The following MARCHF1 variants were observed in gnomAD, a reference collection of about 807,000 sequenced individuals.
MARCHF1 encodes the protein membrane associated ring-CH-type finger 1.
Under a neutral mutation model 54.2 loss-of-function variants are expected in MARCHF1, and 40 were observed. The ratio of observed to expected loss-of-function variants is 0.74; its 90% CI spans 0.57 to 0.96. The LOEUF is 0.96. Among genes scored for constraint, MARCHF1 ranks in the 40% least tolerant of loss-of-function variants. MARCHF1 has a pLI of 0.00. For missense variants in MARCHF1, 586 were observed against 656.5 expected (o/e 0.89, Z 1.17); for synonymous variants, 236 against 236.3 (o/e 1.00, Z 0.01).
At chr4:163,955,638 G>A (rs1181952359) in intron 3 of MARCHF1, among the ~76,000 whole-genome samples, 2 of 152,064 alleles carry the variant, frequency 1.3e-5, no homozygotes, top group Non-Finnish European at 2.9e-5. Flanking sequence ...CGCATCTAAC[G>A]TTTCCAGTCA....
intron 3 of MARCHF1, among the ~76,000 whole-genome samples, chr4:163,926,298 G>A (rs907820095): frequency 1.3e-5 from 2 of 151,604 alleles, no homozygotes; most frequent in Non-Finnish European, 3.0e-5. Context: ...TGTACTGTAA[G>A]ATTCATCCAC....
chr4:163,830,686 G>T (rs1198474711), intron 4 of MARCHF1, among the ~76,000 whole-genome samples: 1 of 152,032 alleles, frequency 6.6e-6, no homozygotes, highest in African/African-American at 2.4e-5. Flanking sequence ...GGCCGAGGCG[G>T]GAGCATCACT....
chr4:163,821,361 C>T (rs1748687806), intron 4 of MARCHF1, among the ~76,000 whole-genome samples: 1 of 151,990 alleles, frequency 6.6e-6, no homozygotes, highest in Non-Finnish European at 1.5e-5. Context: ...ATGGCCATCT[C>T]TCCAATTAGA....
chr4:163,744,590 G>C (rs1009881835), intron 4 of MARCHF1, among the ~76,000 whole-genome samples: 1 of 152,130 alleles, frequency 6.6e-6, no homozygotes, highest in African/African-American at 2.4e-5. Context: ...TAAGTGTCCA[G>C]AATAATACCT....
intron 4 of MARCHF1, among the ~76,000 whole-genome samples, chr4:163,835,002 C>T (rs1749140865): frequency 1.3e-5 from 2 of 152,082 alleles, no homozygotes; most frequent in South Asian, 4.2e-4. Context: ...CTAAGTTCAG[C>T]CATACTAGGA....
At chr4:163,896,814 T>C (rs1750816810) in intron 3 of MARCHF1, among the ~76,000 whole-genome samples, 1 of 152,160 alleles carries the variant, frequency 6.6e-6, no homozygotes, top group Non-Finnish European at 1.5e-5. Flanking sequence ...ACCACAGGAT[T>C]GGGAGGTAAG....
chr4:164,269,308 A>T (rs78695711), intron 1 of MARCHF1, among the ~76,000 whole-genome samples: 1 of 152,162 alleles, frequency 6.6e-6, no homozygotes. Flanking sequence ...GACCTATCAT[A>T]AAAATTCCTC....
chr4:163,872,276 G>GA (rs1226837044), intron 3 of MARCHF1, among the ~76,000 whole-genome samples: 1 of 152,174 alleles, frequency 6.6e-6, no homozygotes, highest in African/African-American at 2.4e-5. Flanking sequence ...TGCCCAAAGG[G>GA]AAGGCAAAGA....
chr4:163,727,410 C>T (rs1423890073), intron 4 of MARCHF1, among the ~76,000 whole-genome samples: 2 of 151,832 alleles, frequency 1.3e-5, no homozygotes, highest in Non-Finnish European at 2.9e-5. Flanking sequence ...CAGGTTCACG[C>T]CATTCTCCTG....
Position 164,180,843 on chromosome 4 carries a change from G to C in MARCHF1, c.-322-69181C>G, listed in dbSNP as rs150109043. Among the ~76,000 whole-genome samples the C allele has an allele frequency of 9.2e-5, 14 of 152,252 alleles. No homozygotes were observed. In the East Asian group the frequency reaches 2.7e-3, roughly 29 times the overall value. On this transcript the variant is annotated intron_variant, in intron 1 of 9. Coordinates refer to ENST00000514618, the MANE Select transcript of MARCHF1 (RefSeq NM_001394959.1). ...GCCATTAGAACTGCTACATCCGCTT[G>C]CCATCTTTATCTCCATTGCTCTAGT... is the stretch of plus-strand genomic sequence containing the variant.
chr4:163,710,002 C>T lies in MARCHF1; in HGVS notation c.112-9139G>A, dbSNP rs376835060. Among the ~76,000 whole-genome samples, 42 of 152,222 alleles carry T rather than the reference C, an allele frequency of 2.8e-4. 1 individual carries two copies. In the South Asian group the frequency reaches 8.7e-3, roughly 32 times the overall value. The stretch of plus-strand genomic sequence containing the variant: ...TTGCCACATTTATTATTAAATTTTG[C>T]ACTACGTAGAATTTTCTACAAACAC... On this transcript the variant is annotated intron_variant, in intron 4 of 9. Coordinates refer to ENST00000514618, the MANE Select transcript of MARCHF1 (RefSeq NM_001394959.1).
At chr4:163,840,971 A>AT (rs543448722) in intron 4 of MARCHF1, among the ~76,000 whole-genome samples, 2 of 38,670 alleles carry the variant, frequency 5.2e-5, no homozygotes, top group African/African-American at 1.1e-4. Context: ...TTTATGAGCA[A>AT]TTTTTTAAAA....
intron 1 of MARCHF1, among the ~76,000 whole-genome samples, chr4:164,255,908 G>A (rs1300589901): frequency 6.6e-6 from 1 of 151,938 alleles, no homozygotes; most frequent in East Asian, 1.9e-4. Flanking sequence ...TAATTGCTTT[G>A]ACTCAAATAA....
intron 3 of MARCHF1, among the ~76,000 whole-genome samples, chr4:163,878,472 G>C (rs1334534838): frequency 6.6e-6 from 1 of 152,278 alleles, no homozygotes; most frequent in South Asian, 2.1e-4. Context: ...ATCTTGTCCT[G>C]CCAGAAAGGC....
intron 1 of MARCHF1, among the ~76,000 whole-genome samples, chr4:164,356,360 C>G (rs1730537060): frequency 7.0e-6 from 1 of 141,970 alleles, no homozygotes; most frequent in African/African-American, 2.5e-5. Context: ...AGACTTGGAA[C>G]CAACCCAAAT....
intron 1 of MARCHF1, among the ~76,000 whole-genome samples, chr4:164,285,498 A>T (rs13147535): frequency 0.13 from 19,507 of 151,974 alleles, 1,938 homozygotes; most frequent in African/African-American, 0.28. Context: ...GCTGGAGTGC[A>T]GTGGCGCGAT....
At chr4:164,080,876 AT>A (rs1755081181) in intron 2 of MARCHF1, among the ~76,000 whole-genome samples, 2 of 152,126 alleles carry the variant, frequency 1.3e-5, no homozygotes, top group Admixed American at 1.3e-4. Flanking sequence ...GCACATAATG[AT>A]TTAAGAGGGC....
chr4:163,864,360 T>C (rs1380968322), intron 3 of MARCHF1, among the ~76,000 whole-genome samples: 1 of 151,612 alleles, frequency 6.6e-6, no homozygotes, highest in Non-Finnish European at 1.5e-5. Flanking sequence ...TGAGGAACAC[T>C]CTACAACAAA....
intron 5 of MARCHF1, among the ~76,000 whole-genome samples, chr4:163,696,118 G>A (rs1744621378): frequency 6.6e-6 from 1 of 152,018 alleles, no homozygotes; most frequent in Admixed American, 6.6e-5. Context: ...AATCATAGGT[G>A]TAACTGTCTT....
Sources: gnomAD v4.1 joint callset for allele counts (sites outside exome capture counted in the v4.1 genomes callset) on GRCh38, gnomAD v4.1.1 for gene constraint, MANE v1.5 for transcripts, NCBI Gene and HGNC (gene_info 2026-07-23, HGNC 2026-07-21) for gene names.